ANO1: variants seen among roughly 807,000 people sequenced by gnomAD.
The protein encoded by ANO1 is anoctamin-1.
In ANO1, 59 loss-of-function variants were observed where a neutral mutation model predicts 124.0. That is an observed-to-expected ratio of 0.48 (90% confidence interval 0.39 to 0.59). The LOEUF is 0.59. ANO1 is among the 20% of genes least tolerant of loss of function. The probability of loss-of-function intolerance (pLI) is 0.00; values close to 1 mark genes in which losing one functional copy is unlikely to be tolerated. For missense variants in ANO1, 1,059 were observed against 1,328.0 expected, an observed-to-expected ratio of 0.80 and a Z score of 3.15; for synonymous variants, 529 against 532.0, an observed-to-expected ratio of 0.99 and a Z score of 0.08.
At chr11:70,002,089 C>T (rs1318439978) in intron 1 of ANO1, among the ~76,000 whole-genome samples, 4 of 152,182 alleles carry the variant, frequency 2.6e-5, no homozygotes, top group Non-Finnish European at 4.4e-5. Flanking sequence ...TGTGCTATTA[C>T]AATCTTAGGT....
chr11:70,168,640 G>T (rs1337309183), intron 21 of ANO1, among the ~76,000 whole-genome samples: 6 of 152,118 alleles, frequency 3.9e-5, no homozygotes, highest in African/African-American at 1.4e-4. Flanking sequence ...CAGAGGGGGG[G>T]TCCCAGCATG....
At chr11:70,103,770 A>C (rs2045374261) in intron 3 of ANO1, among the ~76,000 whole-genome samples, 1 of 152,106 alleles carries the variant, frequency 6.6e-6, no homozygotes, top group Non-Finnish European at 1.5e-5. Flanking sequence ...TTAGCGGGGA[A>C]GTTCTCTGGA....
intron 1 of ANO1, among the ~76,000 whole-genome samples, chr11:70,051,962 A>G (rs1555006298): frequency 6.6e-6 from 1 of 152,184 alleles, no homozygotes; most frequent in African/African-American, 2.4e-5. Context: ...ATGTTTGTGC[A>G]TCCTAAGGTC....
intron 2 of ANO1, among the ~76,000 whole-genome samples, chr11:70,097,005 T>A (rs1312844280): frequency 2.6e-5 from 4 of 152,186 alleles, no homozygotes; most frequent in African/African-American, 9.7e-5. Context: ...TTCAGGTCAT[T>A]GAATTTCTTG....
At chr11:70,147,537 C>T (rs2047431495) in intron 11 of ANO1, among the ~76,000 whole-genome samples, 1 of 152,238 alleles carries the variant, frequency 6.6e-6, no homozygotes. Context: ...ACCTGCTCAG[C>T]TCTGCATCAT....
chr11:70,159,599 C>G (rs145816008), intron 16 of ANO1, among the ~76,000 whole-genome samples: 2 of 152,322 alleles, frequency 1.3e-5, no homozygotes, highest in Non-Finnish European at 2.9e-5. Flanking sequence ...GCCCCTGGTC[C>G]TGGGGATGCG....
At position 70,105,791 on chromosome 11, in the gene ANO1, A is replaced by G. The variant is rs372948110; in HGVS notation, c.747+3A>G. On this transcript the variant is annotated splice_donor_region_variant and intron_variant, in intron 5 of 25. Coordinates refer to ENST00000355303, the MANE Select transcript of ANO1 (RefSeq NM_018043.7). The stretch of plus-strand genomic sequence containing the variant: ...ACAGCAAAACCCGGAGCACGATTGT[A>G]AGTATCGCACGCGCCTGGAAACGGC... The G allele has an allele frequency of 1.6e-5, 26 of 1,613,282 alleles. No homozygotes were observed. Among genetic ancestry groups the G allele is most frequent in the Non-Finnish European group, 2.1e-5 (25 of 1,179,622 alleles).
chr11:70,095,408 AAGAAAGAAAGAAAGAAAGAAAAGAAAAG>A (rs2044890873), intron 2 of ANO1, among the ~76,000 whole-genome samples: 1 of 41,656 alleles, frequency 2.4e-5, no homozygotes, highest in Non-Finnish European at 7.4e-5. Flanking sequence ...GAAAGAAAGA[AAGAAAGAAAGAAAGAAAGAAAAGAAAAG>A]AAAGAAAGAG....
intron 1 of ANO1, among the ~76,000 whole-genome samples, chr11:70,086,142 G>T (rs2044369859): frequency 6.6e-6 from 1 of 152,254 alleles, no homozygotes; most frequent in Admixed American, 6.5e-5. Context: ...GGAAACTGAG[G>T]TGGAAACCAG....
chr11:70,186,540 C>T (rs1331624076), intron 25 of ANO1, among the ~76,000 whole-genome samples: 1 of 152,100 alleles, frequency 6.6e-6, no homozygotes. Flanking sequence ...GGGACCCAGC[C>T]CCAGCTGGCC....
the ANO1 span, among the ~76,000 whole-genome samples, chr11:69,973,386 C>T: frequency 5.3e-5 from 8 of 152,190 alleles, no homozygotes; most frequent in African/African-American, 1.2e-4. Flanking sequence ...TCCGAGGGAT[C>T]GGAGGTGCTC....
chr11:70,121,043 G>A (rs922281253), intron 8 of ANO1, among the ~76,000 whole-genome samples: 19 of 152,164 alleles, frequency 1.2e-4, no homozygotes, highest in African/African-American at 7.2e-5. Flanking sequence ...GAGGTCAAGC[G>A]GTATATGTAG....
chr11:69,971,731 G>A, the ANO1 span, among the ~76,000 whole-genome samples: 1 of 152,156 alleles, frequency 6.6e-6, no homozygotes, highest in African/African-American at 2.4e-5. Flanking sequence ...CTCCAGGCCC[G>A]GGGAGGCCTG....
At chr11:70,124,161 T>C (rs2046397136) in intron 8 of ANO1, among the ~76,000 whole-genome samples, 189 bp from the exon 9 acceptor site, 1 of 152,088 alleles carries the variant, frequency 6.6e-6, no homozygotes. Flanking sequence ...CACAAAGAGC[T>C]CACATTCCAT....
chr11:70,180,030 A>T lies in ANO1; in HGVS notation c.2377A>T (p.Ile793Phe). 6.2e-7 allele frequency: 1 copy of T among 1,613,280 alleles called. No individual in the cohort carries two copies. Among genetic ancestry groups the T allele is most frequent in the Non-Finnish European group, 8.5e-7 (1 of 1,179,274 alleles). The change falls in exon 23 of 26, where the codon ATT (isoleucine) becomes TTT (phenylalanine). Residue 793 changes from isoleucine (I) to phenylalanine (F), a missense_variant. Ile to Phe is a conservative substitution (Grantham distance 21). Transcript: ENST00000355303. ...IGIWYNILRG[I>F]GKLAVIINAF... ...AATCTGGTACAATATCCTCAGAGGC[A>T]TTGGGAAGCTTGCTGTCATCATCAA... is the stretch of plus-strand genomic sequence containing the variant.
At chr11:70,130,156 C>T (rs1358283596) in intron 10 of ANO1, among the ~76,000 whole-genome samples, 1 of 152,218 alleles carries the variant, frequency 6.6e-6, no homozygotes, top group Non-Finnish European at 1.5e-5. Flanking sequence ...CCCAACCAGC[C>T]AGGGTGTGTA....
rs1237738714 is a variant in ANO1 at position 70,126,990 on chromosome 11, A to G, written c.1097+795A>G. Among the ~76,000 whole-genome samples the G allele has an allele frequency of 1.7e-3, 179 of 102,804 alleles. No individual in the cohort carries two copies. The Middle Eastern group carries it at 0.025, about 14-fold the overall frequency. The allele number at this position is 102,804 out of a possible 152,430, so 67.4% of individuals were successfully genotyped here. On this transcript the variant is annotated intron_variant, in intron 10 of 25. Coordinates refer to ENST00000355303, the MANE Select transcript of ANO1 (RefSeq NM_018043.7). ...GGCTGGCACTTGCGGGAGGTGAGACATGAATGCTAGAGGCCTCGGTACAGG... is the reference window on the plus strand; with the variant it reads ...GGCTGGCACTTGCGGGAGGTGAGACGTGAATGCTAGAGGCCTCGGTACAGG...
chr11:70,144,930 G>A (rs1292210753), intron 11 of ANO1, among the ~76,000 whole-genome samples: 2 of 152,220 alleles, frequency 1.3e-5, no homozygotes, highest in Non-Finnish European at 2.9e-5. Flanking sequence ...GGGGGCCGGG[G>A]CAGGATCCGA....
At chr11:70,094,899 A>C (rs1365984281) in intron 2 of ANO1, among the ~76,000 whole-genome samples, 4 of 152,164 alleles carry the variant, frequency 2.6e-5, no homozygotes, top group African/African-American at 9.7e-5. Context: ...TTTCATGGAA[A>C]CATATTTCTT....
Sources: gnomAD v4.1 joint callset for allele counts (sites outside exome capture counted in the v4.1 genomes callset) on GRCh38, gnomAD v4.1.1 for gene constraint, MANE v1.5 for transcripts, NCBI Gene and HGNC (gene_info 2026-07-23, HGNC 2026-07-21) for gene names.